The following AFF2 variants were observed in gnomAD, a reference collection of about 807,000 sequenced individuals.
The protein encoded by AFF2 is ALF transcription elongation factor 2.
AFF2 carries 14 observed loss-of-function variants against 76.9 expected under a neutral mutation model. That is an observed-to-expected ratio of 0.18 (90% CI 0.12 to 0.28). The LOEUF is 0.28. Ranked by LOEUF, AFF2 falls within the 10% of genes least tolerant of loss-of-function variation. The pLI is 1.00. For missense variants in AFF2, 868 were observed against 1,001.1 expected, an observed-to-expected ratio of 0.87 and a Z score of 1.79; for synonymous variants, 398 against 366.7, an observed-to-expected ratio of 1.09 and a Z score of -0.98.
Position 148,885,800 on chromosome X carries a change from C to G in AFF2, c.1263-89C>G. The G allele has an allele frequency of 5.1e-6, 4 of 787,698 alleles. No homozygotes were observed. In the South Asian group the frequency reaches 6.5e-5, roughly 13 times the overall value. The allele number at this position is 787,698 out of a possible 1,213,427, so 64.9% of individuals were successfully genotyped here. On this transcript the variant is annotated intron_variant, in intron 7 of 20. Transcript: ENST00000370460. The stretch of plus-strand genomic sequence containing the variant: ...GATTTGCAGCTGTCAGATTGTAGCT[C>G]CAATACTTTATTCTCATTGCAAGAT...
At chrX:148,732,138 G>A (rs1213363825) in intron 3 of AFF2, among the ~76,000 whole-genome samples, 3 of 85,644 alleles carry the variant, frequency 3.5e-5, no homozygotes, top group Admixed American at 1.2e-4. Flanking sequence ...TGTTTACTGC[G>A]GCATTATTCA....
rs147113534 is a variant in AFF2 at position 148,887,453 on chromosome X, A to G, written c.1359+1468A>G. Among the ~76,000 whole-genome samples the G allele has an allele frequency of 2.7e-3, 310 of 112,773 alleles. 2 individuals are homozygous for G. Among genetic ancestry groups the G allele is most frequent in the African/African-American group, 9.6e-3 (299 of 31,131 alleles). Reference sequence around the variant, plus strand: ...AGTTGCCTTTTAATGGAAATGTTTAAAGTAGAATTCAATAATAATTGAAAG... The same window carrying G: ...AGTTGCCTTTTAATGGAAATGTTTAGAGTAGAATTCAATAATAATTGAAAG... On this transcript the variant is annotated intron_variant, in intron 8 of 20. Transcript: ENST00000370460.
At chrX:148,544,818 T>C (rs1367067973) in intron 1 of AFF2, among the ~76,000 whole-genome samples, 1 of 111,584 alleles carries the variant, frequency 9.0e-6, no homozygotes, top group Non-Finnish European at 1.9e-5. Context: ...ACCACAGTCA[T>C]GAGTAAATTT....
chrX:148,833,077 T>C (rs782530932), intron 4 of AFF2, among the ~76,000 whole-genome samples: 3 of 111,099 alleles, frequency 2.7e-5, no homozygotes, highest in South Asian at 3.9e-4. Context: ...CCAAGTATAA[T>C]GATAGCCTGT....
At chrX:148,540,366 C>T (rs369125088) in intron 1 of AFF2, among the ~76,000 whole-genome samples, 17 of 106,356 alleles carry the variant, frequency 1.6e-4, no homozygotes, top group African/African-American at 5.9e-4. Flanking sequence ...ATAACCATAT[C>T]AGCAGGAACA....
rs1348312201 is a variant in AFF2 at position 148,810,573 on chromosome X, A to T, written c.1086+653A>T. Among the ~76,000 whole-genome samples, 5 of 112,267 alleles carry T rather than the reference A, an allele frequency of 4.5e-5. No homozygotes were observed. In the Admixed American group the frequency reaches 4.7e-4, roughly 11 times the overall value. On this transcript the variant is annotated intron_variant, in intron 4 of 20. Coordinates refer to ENST00000370460, the MANE Select transcript of AFF2 (RefSeq NM_002025.4). The stretch of plus-strand genomic sequence containing the variant: ...CATCATAAGGCAGTATGGAATCTCA[A>T]GAATAGGAGTCATGGTAATGAGCTC...
chrX:148,876,406 A>G (rs995428696), intron 7 of AFF2, among the ~76,000 whole-genome samples: 2 of 111,322 alleles, frequency 1.8e-5, no homozygotes, highest in African/African-American at 6.5e-5. Context: ...CAAAGTGGAA[A>G]GTTACTGGTC....
chrX:148,661,996 A>G lies in AFF2; in HGVS notation c.269A>G (p.Asn90Ser). The change falls in exon 3 of 21, where the codon AAT becomes AGT. Residue 90 changes from asparagine (N) to serine (S), a missense_variant. Physicochemically the swap from Asn to Ser is conservative, Grantham distance 46. This residue lies in a region of AFF2 where 196 missense variants were observed against 194.8 expected (regional missense o/e 1.01). Transcript: ENST00000370460. Reference sequence around the variant, plus strand: ...AAGAATTTGCTAACTAACCATTCTAATCAGAATCACCTAGTGGGAATTCCA... The same window carrying G: ...AAGAATTTGCTAACTAACCATTCTAGTCAGAATCACCTAGTGGGAATTCCA... ...EMKNLLTNHSNQNHLVGIPKN... is the reference protein window; with the variant it reads ...EMKNLLTNHSSQNHLVGIPKN... 8.3e-7 allele frequency: 1 copy of G among 1,209,823 alleles called. No homozygotes were observed. Among genetic ancestry groups the G allele is most frequent in the Non-Finnish European group, 1.1e-6 (1 of 893,664 alleles).
intron 1 of AFF2, among the ~76,000 whole-genome samples, chrX:148,555,143 A>G (rs2053038393): frequency 8.9e-6 from 1 of 111,919 alleles, no homozygotes; most frequent in African/African-American, 3.3e-5. Flanking sequence ...TCTGGCTCCC[A>G]AGGTTCATTT....
At chrX:148,657,213 A>T (rs931645298) in intron 2 of AFF2, among the ~76,000 whole-genome samples, 1 of 111,717 alleles carries the variant, frequency 9.0e-6, no homozygotes, top group Non-Finnish European at 1.9e-5. Context: ...TGTTTTAAGG[A>T]TCACATGAAA....
intron 7 of AFF2, among the ~76,000 whole-genome samples, chrX:148,868,642 A>G (rs2070936097): frequency 8.9e-6 from 1 of 112,502 alleles, no homozygotes; most frequent in African/African-American, 3.2e-5. Flanking sequence ...GTACTGCTAT[A>G]ACAAAATACC....
At chrX:148,738,045 T>A (rs2055306251) in intron 3 of AFF2, among the ~76,000 whole-genome samples, 1 of 111,518 alleles carries the variant, frequency 9.0e-6, no homozygotes, top group Non-Finnish European at 1.9e-5. Flanking sequence ...GATTTTAGCA[T>A]CTATATTCAT....
intron 3 of AFF2, among the ~76,000 whole-genome samples, chrX:148,743,722 G>T (rs1171252069): frequency 9.0e-6 from 1 of 111,375 alleles, no homozygotes; most frequent in Non-Finnish European, 1.9e-5. Context: ...AATAGAAAAG[G>T]CAAGAGCTCT....
At chrX:148,908,448 C>T (rs1323556558) in intron 9 of AFF2, among the ~76,000 whole-genome samples, 17 of 112,093 alleles carry the variant, frequency 1.5e-4, no homozygotes, top group African/African-American at 3.9e-4. Context: ...ACCATGGCTT[C>T]GGCCGGTCCC....
intron 3 of AFF2, among the ~76,000 whole-genome samples, chrX:148,723,904 C>CT (rs2055123856): frequency 9.8e-6 from 1 of 101,732 alleles, no homozygotes; most frequent in African/African-American, 3.6e-5. Context: ...CTTTTTTTTT[C>CT]TTTTTTTCTT....
Position 148,958,455 on chromosome X carries a change from G to A in AFF2, c.2687G>A (p.Arg896Lys). The A allele has an allele frequency of 3.3e-6, 4 of 1,209,309 alleles. No individual in the cohort carries two copies. The highest frequency in any genetic ancestry group is 4.6e-4 in the Middle Eastern group (2 of 4,338). The part of the protein sequence containing the change: ...PAPPHKPPNT[R>K]ENNSSRRANR... ...CCACCCCACAAGCCTCCCAACACTA[G>A]AGAGTGAGTTTGCCCTGGCCCTGTC... The change falls in exon 12 of 21, where the codon AGA (arginine) becomes AAA (lysine). Residue 896 changes from arginine (R) to lysine (K), a missense_variant. Physicochemically the swap from Arg to Lys is conservative, Grantham distance 26. Coordinates refer to ENST00000370460, the MANE Select transcript of AFF2 (RefSeq NM_002025.4).
chrX:148,541,928 G>A (rs904494734), intron 1 of AFF2, among the ~76,000 whole-genome samples: 2 of 106,746 alleles, frequency 1.9e-5, no homozygotes, highest in African/African-American at 6.8e-5. Context: ...GAGGGATGAA[G>A]ATCAGCCAGC....
chrX:148,600,590 C>T (rs992276924), intron 1 of AFF2, among the ~76,000 whole-genome samples: 3 of 112,202 alleles, frequency 2.7e-5, no homozygotes, highest in East Asian at 5.6e-4. Flanking sequence ...ATTGATTAAT[C>T]GTTCAGTAGT....
In AFF2 at chrX:148,973,623, G is replaced by A. The variant is rs1557289829; in HGVS notation, c.3404+16G>A. ...AGCTCCTCAGGTGAATAGCCTTTCT[G>A]CAATCATCTTCCTACACTCATTTCA... On this transcript the variant is annotated intron_variant, in intron 16 of 20. Coordinates refer to ENST00000370460, the MANE Select transcript of AFF2 (RefSeq NM_002025.4). 1 of 1,187,500 alleles carries A rather than the reference G, an allele frequency of 8.4e-7. No individual in the cohort carries two copies. The highest frequency in any genetic ancestry group is 2.2e-5 in the Admixed American group (1 of 45,568).
Sources: allele counts gnomAD v4.1 joint callset (sites outside exome capture counted in the v4.1 genomes callset), GRCh38; gene constraint gnomAD v4.1.1; regional missense constraint gnomAD v4.1.1; transcripts MANE v1.5; gene names NCBI Gene and HGNC (gene_info 2026-07-23, HGNC 2026-07-21).